Variants in ADORA1 observed in about 807,000 individuals in gnomAD.
ADORA1 encodes the protein adenosine A1 receptor, also known as adenosine receptor A1.
Under a neutral mutation model 19.9 loss-of-function variants are expected in ADORA1, and 6 were observed. The ratio of observed to expected loss-of-function variants is 0.30; its 90% CI spans 0.17 to 0.59. The LOEUF (loss-of-function observed/expected upper bound fraction) is 0.59, where lower values mean the gene tolerates loss of function less well. Among genes scored for constraint, ADORA1 ranks in the 20% least tolerant of loss-of-function variants. The pLI is 0.87. For synonymous variants in ADORA1, 194 were observed against 188.4 expected, an observed-to-expected ratio of 1.03 and a Z score of -0.24; for missense variants, 302 against 439.2, an observed-to-expected ratio of 0.69 and a Z score of 2.79.
At chr1:203,159,472 C>T (rs973824768) in intron 3 of ADORA1, among the ~76,000 whole-genome samples, 1 of 152,112 alleles carries the variant, frequency 6.6e-6, no homozygotes, top group African/African-American at 2.4e-5. Flanking sequence ...CACCTCTCCC[C>T]GATGGTGCCT....
intron 3 of ADORA1, among the ~76,000 whole-genome samples, chr1:203,161,073 C>G (rs1655350290): frequency 6.6e-6 from 1 of 152,190 alleles, no homozygotes; most frequent in Admixed American, 6.5e-5. Flanking sequence ...ACCATACTGA[C>G]ACTCTTGCAG....
At chr1:203,145,465 C>G (rs1193712492) in intron 3 of ADORA1, among the ~76,000 whole-genome samples, 1 of 152,204 alleles carries the variant, frequency 6.6e-6, no homozygotes, top group Non-Finnish European at 1.5e-5. Flanking sequence ...CAGGTCCGGC[C>G]GCCTGTAAGG....
At chr1:203,162,983 A>C (rs1428255225) in intron 3 of ADORA1, among the ~76,000 whole-genome samples, 2 of 152,202 alleles carry the variant, frequency 1.3e-5, no homozygotes, top group Admixed American at 6.5e-5. Flanking sequence ...CTGAGACAGC[A>C]TCCCTCAGCC....
chr1:203,134,654 T>G (rs1654449470), intron 3 of ADORA1, among the ~76,000 whole-genome samples: 1 of 152,164 alleles, frequency 6.6e-6, no homozygotes. Flanking sequence ...CCCTGACATT[T>G]GCTATTTATT....
intron 3 of ADORA1, among the ~76,000 whole-genome samples, chr1:203,134,228 G>A (rs1056602137): frequency 3.0e-4 from 46 of 152,102 alleles, no homozygotes; most frequent in African/African-American, 1.0e-3. Flanking sequence ...TTGCTCCCCC[G>A]CCTCTGATGT....
chr1:203,161,066 A>G (rs1655349921), intron 3 of ADORA1, among the ~76,000 whole-genome samples: 2 of 152,012 alleles, frequency 1.3e-5, no homozygotes, highest in Admixed American at 1.3e-4. Context: ...CCTCTAAACC[A>G]TACTGACACT....
intron 3 of ADORA1, among the ~76,000 whole-genome samples, chr1:203,139,096 G>A (rs951643120): frequency 2.4e-4 from 37 of 152,362 alleles, no homozygotes; most frequent in African/African-American, 8.4e-4. Context: ...TGGGATTACA[G>A]GCGTGAGCCA....
chr1:203,139,197 C>T (rs1482530625), intron 3 of ADORA1, among the ~76,000 whole-genome samples: 1 of 152,182 alleles, frequency 6.6e-6, no homozygotes, highest in African/African-American at 2.4e-5. Flanking sequence ...GAATAAAACA[C>T]TAGTGATGAA....
intron 3 of ADORA1, among the ~76,000 whole-genome samples, chr1:203,160,639 C>A (rs1655333694): frequency 6.6e-6 from 1 of 152,046 alleles, no homozygotes; most frequent in Non-Finnish European, 1.5e-5. Context: ...ATAGTGAGAC[C>A]CCCATCTCTA....
rs1655506918 is a variant in ADORA1 at position 203,165,321 on chromosome 1, C to T, written c.402C>T (p.Leu134=). The T allele has an allele frequency of 6.4e-7, 1 of 1,570,402 alleles. No individual in the cohort carries two copies. Among genetic ancestry groups the T allele is most frequent in the South Asian group, 1.2e-5 (1 of 83,072 alleles). ...TGGCCATAGCCGGCTGCTGGATCCT[C>T]TCCTTCGTGGTGGGACTGACCCCTA... is the stretch of plus-strand genomic sequence containing the variant. ...AAVAIAGCWI[L]SFVVGLTPMF... The change falls in exon 4 of 4, where the codon CTC becomes CTT. Residue 134 remains leucine (L), a synonymous_variant. Transcript: ENST00000337894. The surrounding 1 kb of genome is among the most constrained non-coding windows in gnomAD (Gnocchi z 5.9).
intron 3 of ADORA1, among the ~76,000 whole-genome samples, chr1:203,158,851 C>T (rs889244525): frequency 1.1e-4 from 16 of 152,166 alleles, no homozygotes; most frequent in Admixed American, 6.6e-4. Flanking sequence ...AAAGAGCACA[C>T]TCCCTAGAGA....
At chr1:203,164,051 C>T (rs1655456094) in intron 3 of ADORA1, among the ~76,000 whole-genome samples, 1 of 152,152 alleles carries the variant, frequency 6.6e-6, no homozygotes, top group Non-Finnish European at 1.5e-5. Flanking sequence ...TCTCCAAGGC[C>T]AGTATGTGGG....
chr1:203,143,795 A>G (rs964704286), intron 3 of ADORA1, among the ~76,000 whole-genome samples: 1 of 152,138 alleles, frequency 6.6e-6, no homozygotes. Context: ...TCAAGTCAAC[A>G]AGTGTTTTCT....
chr1:203,140,651 C>T (rs760532634), intron 3 of ADORA1, among the ~76,000 whole-genome samples: 34 of 152,294 alleles, frequency 2.2e-4, no homozygotes, highest in Non-Finnish European at 2.1e-4. Context: ...CAGACATTCC[C>T]AGGTGCCTTC....
chr1:203,160,387 G>A (rs996109708), intron 3 of ADORA1, among the ~76,000 whole-genome samples: 9 of 152,316 alleles, frequency 5.9e-5, no homozygotes, highest in South Asian at 4.1e-4. Flanking sequence ...TTCTTTGAGC[G>A]TCTTGTTGGC....
intron 3 of ADORA1, among the ~76,000 whole-genome samples, chr1:203,138,268 A>T (rs184178899): frequency 2.7e-4 from 41 of 152,324 alleles, no homozygotes; most frequent in East Asian, 5.8e-4. Flanking sequence ...CAGACATCTC[A>T]GTGGAATGTT....
chr1:203,158,553 T>C (rs12136486), intron 3 of ADORA1, among the ~76,000 whole-genome samples: 14,982 of 152,200 alleles, frequency 0.098, 1,273 homozygotes, highest in East Asian at 0.46. Flanking sequence ...TCTGGGCATT[T>C]TTTAGCCTGC....
Position 203,128,973 on chromosome 1 carries a change from C to T in ADORA1, c.132C>T (p.Thr44=). The T allele has an allele frequency of 3.7e-6, 6 of 1,614,180 alleles. No homozygotes were observed. Among genetic ancestry groups the T allele is most frequent in the Non-Finnish European group, 5.1e-6 (6 of 1,180,040 alleles). ...VKVNQALRDA[T]FCFIVSLAVA... The stretch of plus-strand genomic sequence containing the variant: ...TGAACCAGGCGCTGCGGGATGCCAC[C>T]TTCTGCTTCATCGTGTCGCTGGCGG... Residue 44 remains threonine, a synonymous_variant, in exon 3 of 4, where the codon ACC becomes ACT. Transcript: ENST00000337894. The surrounding 1 kb of genome is among the most constrained non-coding windows in gnomAD (Gnocchi z 5.9).
At chr1:203,134,077 T>TG (rs1558127093) in intron 3 of ADORA1, among the ~76,000 whole-genome samples, 1 of 151,848 alleles carries the variant, frequency 6.6e-6, no homozygotes, top group East Asian at 1.9e-4. Flanking sequence ...CTGGAGTGTC[T>TG]AAGAGGGAAG....
Sources: gnomAD v4.1 joint callset for allele counts (sites outside exome capture counted in the v4.1 genomes callset) on GRCh38, gnomAD v4.1.1 for gene constraint, Gnocchi (gnomAD v3.1) non-coding constraint, MANE v1.5 for transcripts, NCBI Gene and HGNC (gene_info 2026-07-23, HGNC 2026-07-21) for gene names.